Variants in CREB1 observed in about 807,000 individuals in gnomAD.
CREB1 encodes the protein cyclic AMP-responsive element-binding protein 1.
CREB1 carries 2 observed loss-of-function variants against 42.0 expected under a neutral mutation model. The ratio of observed to expected loss-of-function variants is 0.05; its 90% CI spans 0.02 to 0.15. The LOEUF (loss-of-function observed/expected upper bound fraction) is 0.15, where lower values mean the gene tolerates loss of function less well. Among genes scored for constraint, CREB1 ranks in the 10% least tolerant of loss-of-function variants. The pLI is 1.00. For missense variants in CREB1, 199 were observed against 388.9 expected (o/e 0.51, Z 4.11); for synonymous variants, 123 against 139.9 (o/e 0.88, Z 0.85).
At chr2:207,592,109 A>G (rs1480234921) in intron 7 of CREB1, among the ~76,000 whole-genome samples, 2 of 152,172 alleles carry the variant, frequency 1.3e-5, no homozygotes, top group Admixed American at 6.5e-5. Context: ...TTTGCTGGGT[A>G]TAGAATTCTG....
At chr2:207,555,133 T>G (rs1186795307) in intron 1 of CREB1, among the ~76,000 whole-genome samples, 1 of 152,208 alleles carries the variant, frequency 6.6e-6, no homozygotes, top group Non-Finnish European at 1.5e-5. Context: ...TAATCACTTT[T>G]AGAAGTAGCT....
chr2:207,530,388 G>GGGGCGGCGGGCGGCGGGCGGC (rs1178876684), intron 1 of CREB1, among the ~76,000 whole-genome samples: 1 of 147,700 alleles, frequency 6.8e-6, no homozygotes, highest in Non-Finnish European at 1.5e-5. Flanking sequence ...CTCATGGCGG[G>GGGGCGGCGGGCGGCGGGCGGC]GGGCGGCGGG....
chr2:207,558,894 C>T (rs868712789), intron 2 of CREB1, among the ~76,000 whole-genome samples: 2 of 152,246 alleles, frequency 1.3e-5, no homozygotes, highest in Non-Finnish European at 2.9e-5. Flanking sequence ...CCACCCGCCT[C>T]GGCCTCCCAA....
At chr2:207,580,202 T>G (rs1345375270) in intron 7 of CREB1, among the ~76,000 whole-genome samples, 1 of 152,150 alleles carries the variant, frequency 6.6e-6, no homozygotes, top group Non-Finnish European at 1.5e-5. Context: ...TTTATGAGAT[T>G]AGTAGAACTG....
chr2:207,563,079 A>AGGG (rs1178423853), intron 3 of CREB1, among the ~76,000 whole-genome samples: 4 of 152,166 alleles, frequency 2.6e-5, no homozygotes, highest in African/African-American at 9.7e-5. Context: ...AATGATGTGG[A>AGGG]GGGAAGGGTG....
chr2:207,555,281 T>C (rs1379798758), intron 1 of CREB1, among the ~76,000 whole-genome samples: 1 of 152,206 alleles, frequency 6.6e-6, no homozygotes, highest in Non-Finnish European at 1.5e-5. Flanking sequence ...TAGTATAGTT[T>C]TGAAAAATTA....
rs2083329146 is a variant in CREB1 at position 207,583,688 on chromosome 2, TACA to T, written c.839+6034_839+6036del. On this transcript the variant is annotated intron_variant, in intron 7 of 7. Transcript: ENST00000353267. The stretch of plus-strand genomic sequence containing the variant: ...AAGTTTTTATCCTTAAATTTGCATA[TACA>T]TAAGTTCACTCTTTGTGCTGTATAG... 9.8e-5 allele frequency among the ~76,000 whole-genome samples: 15 copies of T among 152,358 alleles called. No homozygotes were observed. In the South Asian group the frequency reaches 3.1e-3, roughly 32 times the overall value.
intron 1 of CREB1, among the ~76,000 whole-genome samples, chr2:207,540,564 G>C (rs916601138): frequency 4.0e-5 from 6 of 150,288 alleles, no homozygotes; most frequent in African/African-American, 1.5e-4. Flanking sequence ...GAACCCAAGA[G>C]GCAGAGATTG....
At chr2:207,536,404 A>G (rs373021288) in intron 1 of CREB1, among the ~76,000 whole-genome samples, 6 of 151,692 alleles carry the variant, frequency 4.0e-5, no homozygotes, top group African/African-American at 1.5e-4. Flanking sequence ...AAAATACAAA[A>G]ATTAGCTGGG....
Position 207,540,968 on chromosome 2 carries a change from C to G in CREB1, c.-9+10834C>G, listed in dbSNP as rs574776944. 7.9e-5 allele frequency among the ~76,000 whole-genome samples: 12 copies of G among 152,202 alleles called. No homozygotes were observed. The South Asian group carries it at 2.5e-3, about 32-fold the overall frequency. ...GGCACAGTGGCTCACACCTGTAATCCCAGCACTTTGGGAGGCCAAGGCAGG... is the reference window on the plus strand; with the variant it reads ...GGCACAGTGGCTCACACCTGTAATCGCAGCACTTTGGGAGGCCAAGGCAGG... On this transcript the variant is annotated intron_variant, in intron 1 of 7. Coordinates refer to ENST00000353267, the MANE Select transcript of CREB1 (RefSeq NM_004379.5).
chr2:207,554,688 C>T (rs888294436), intron 1 of CREB1, among the ~76,000 whole-genome samples: 4 of 152,146 alleles, frequency 2.6e-5, no homozygotes, highest in Non-Finnish European at 5.9e-5. Flanking sequence ...AAGTGCTTAG[C>T]AAAGCAGAGT....
rs895944037 is a variant in CREB1, at chr2:207,604,290, C to G, written c.*7232C>G. On this transcript the variant is annotated 3_prime_UTR_variant, in exon 8 of 8. Transcript: ENST00000353267. Reference sequence around the variant, plus strand: ...TAGTGTTTCGCCACTGAAGACTTAACATATGTCTTTTACACTCAGGTTGCA... The same window carrying G: ...TAGTGTTTCGCCACTGAAGACTTAAGATATGTCTTTTACACTCAGGTTGCA... Among the ~76,000 whole-genome samples, 1 of 152,204 alleles carries G rather than the reference C, an allele frequency of 6.6e-6. No homozygotes were observed. Among genetic ancestry groups the G allele is most frequent in the African/African-American group, 2.4e-5 (1 of 41,458 alleles).
At position 207,601,744 on chromosome 2, in the gene CREB1, TA is replaced by T. The variant is rs1350023117; in HGVS notation, c.*4689del. 4.6e-6 allele frequency: 1 copy of T among 216,230 alleles called. No individual in the cohort carries two copies. Among genetic ancestry groups the T allele is most frequent in the African/African-American group, 2.3e-5 (1 of 44,346 alleles). 13.4% of individuals were successfully genotyped at this position (216,230 alleles called of 1,614,324 possible). On this transcript the variant is annotated 3_prime_UTR_variant, in exon 8 of 8. Transcript: ENST00000353267. ...TTGTTAACATCAAAGAAATGCTGCC[TA>T]AATTTGATTTCAGATGAGGAAGGAG...
At chr2:207,539,377 T>C (rs1574764450) in intron 1 of CREB1, among the ~76,000 whole-genome samples, 1 of 152,052 alleles carries the variant, frequency 6.6e-6, no homozygotes, top group South Asian at 2.1e-4. Context: ...CATTTTCTTA[T>C]AATAAGTATC....
intron 7 of CREB1, chr2:207,582,894 AAAAC>A (rs200290994): frequency 0.058 from 17,216 of 296,370 alleles, 1,345 homozygotes; most frequent in East Asian, 0.2. Context: ...CTGTCTCAAA[AAAAC>A]AAACAAACAA....
At chr2:207,563,824 G>A (rs538227241) in intron 3 of CREB1, among the ~76,000 whole-genome samples, 1 of 152,162 alleles carries the variant, frequency 6.6e-6, no homozygotes, top group African/African-American at 2.4e-5. Context: ...GGCACCTATA[G>A]TCCCAGCTAC....
intron 1 of CREB1, among the ~76,000 whole-genome samples, chr2:207,530,782 C>T (rs1293614900): frequency 6.6e-6 from 1 of 151,866 alleles, no homozygotes; most frequent in African/African-American, 2.4e-5. Flanking sequence ...GTCTGACCTA[C>T]TCTTCTCTCC....
intron 7 of CREB1, chr2:207,580,960 G>A (rs989550777): frequency 7.4e-5 from 16 of 216,870 alleles, no homozygotes; most frequent in African/African-American, 3.2e-4. Context: ...GCACAGGCAA[G>A]GACAAGCCCA....
In CREB1 at chr2:207,603,406, T is replaced by C. The variant is rs1231370810; in HGVS notation, c.*6348T>C. The C allele has an allele frequency of 4.5e-6, 1 of 224,672 alleles. No homozygotes were observed. Among genetic ancestry groups the C allele is most frequent in the African/African-American group, 2.2e-5 (1 of 44,914 alleles). 13.9% of individuals were successfully genotyped at this position (224,672 alleles called of 1,614,324 possible). A position where few individuals can be genotyped will look rare whatever the true frequency, so the allele number is the denominator to read the frequency against. Reference sequence around the variant, plus strand: ...TTTTTACACAAACATTTATGTGCAGTCACATAAACATGCTTTTAAAAACTC... The same window carrying C: ...TTTTTACACAAACATTTATGTGCAGCCACATAAACATGCTTTTAAAAACTC... On this transcript the variant is annotated 3_prime_UTR_variant, in exon 8 of 8. Transcript: ENST00000353267.
Sources: gnomAD v4.1 joint callset for allele counts (sites outside exome capture counted in the v4.1 genomes callset) on GRCh38, gnomAD v4.1.1 for gene constraint, MANE v1.5 for transcripts, NCBI Gene and HGNC (gene_info 2026-07-23, HGNC 2026-07-21) for gene names.